Variants in KCTD17 observed in about 807,000 individuals in gnomAD.
KCTD17 encodes the protein potassium channel tetramerization domain containing 17.
A neutral mutation model predicts 41.5 loss-of-function variants in KCTD17; 20 were observed. The ratio of observed to expected loss-of-function variants is 0.48; its 90% confidence interval spans 0.34 to 0.70. The LOEUF (loss-of-function observed/expected upper bound fraction) is 0.70. Ranked by LOEUF, KCTD17 falls within the 30% of genes least tolerant of loss-of-function variation. KCTD17 has a pLI of 0.01. For synonymous variants in KCTD17, 156 were observed against 173.8 expected (o/e 0.90, Z 0.80); for missense variants, 317 against 427.2 (o/e 0.74, Z 2.27).
chr22:37,061,989 G>C lies in KCTD17; in HGVS notation c.875+360G>C. On this transcript the variant is annotated intron_variant, in intron 8 of 8. Coordinates refer to ENST00000403888, the MANE Select transcript of KCTD17 (RefSeq NM_001282684.2). The surrounding 1 kb of genome is among the most constrained non-coding windows in gnomAD (Gnocchi z 6.6). ...GATACCCTTGGCCCATGAAGTGTCA[G>C]CCAGAGTGGCTTAAGGATTGCAGAG... The C allele has an allele frequency of 1.0e-6, 1 of 985,428 alleles. No individual in the cohort carries two copies. The highest frequency in any genetic ancestry group is 1.2e-6 in the Non-Finnish European group (1 of 829,912). 61.0% of individuals were successfully genotyped at this position (985,428 alleles called of 1,614,324 possible).
intron 3 of KCTD17, 113 bp downstream of exon 3, chr22:37,056,524 A>G: frequency 1.2e-6 from 1 of 855,004 alleles, no homozygotes; most frequent in Non-Finnish European, 1.8e-6. Context: ...AGTGTTTGTC[A>G]TGGGGAGGCC....
chr22:37,054,532 C>T (rs1000360347), intron 2 of KCTD17, among the ~76,000 whole-genome samples: 3 of 151,800 alleles, frequency 2.0e-5, no homozygotes, highest in African/African-American at 2.4e-5. Flanking sequence ...CTAGGGGATA[C>T]ACAGGGCTAG....
chr22:37,056,837 G>A (rs1049711514), intron 3 of KCTD17, among the ~76,000 whole-genome samples: 7 of 152,170 alleles, frequency 4.6e-5, no homozygotes, highest in African/African-American at 1.7e-4. Flanking sequence ...GGTGGGCTCG[G>A]CACAGGCTGT....
chr22:37,052,199 G>T, intron 1 of KCTD17: 1 of 478,502 alleles, frequency 2.1e-6, no homozygotes, highest in Non-Finnish European at 3.7e-6. Flanking sequence ...CCCCGGATCG[G>T]GGCCTCTCCT....
rs543100263 is a variant in KCTD17 at position 37,059,071 on chromosome 22, C to T, written c.487-242C>T. ...AATGCTGCCACCCTCCACCAGGGAT[C>T]GGGCCAGCCAAGCCAGGCGGAGGGG... On this transcript the variant is annotated intron_variant, in intron 4 of 8. Coordinates refer to ENST00000403888, the MANE Select transcript of KCTD17 (RefSeq NM_001282684.2). Among the ~76,000 whole-genome samples, 5 of 152,274 alleles carry T rather than the reference C, an allele frequency of 3.3e-5. No homozygotes were observed. In the East Asian group the frequency reaches 5.8e-4, roughly 18 times the overall value.
rs1271111686 is a variant in KCTD17, at chr22:37,062,938, A to G, written c.*344A>G. On this transcript the variant is annotated 3_prime_UTR_variant, in exon 9 of 9. Coordinates refer to ENST00000403888, the MANE Select transcript of KCTD17 (RefSeq NM_001282684.2). ...GGGGGTCACTCCTCCCACCCCACCTACCTCACAGGGTTGTTGTGAGGGTGC... is the reference window on the plus strand; with the variant it reads ...GGGGGTCACTCCTCCCACCCCACCTGCCTCACAGGGTTGTTGTGAGGGTGC... The G allele has an allele frequency of 1.5e-5, 5 of 328,954 alleles. No individual in the cohort carries two copies. The East Asian group carries it at 3.2e-4, about 21-fold the overall frequency. The allele number at this position is 328,954 out of a possible 1,614,324, so 20.4% of individuals were successfully genotyped here. A position where few individuals can be genotyped will look rare whatever the true frequency, so the allele number is the denominator to read the frequency against.
At chr22:37,059,783 C>T (rs1438368989) in intron 5 of KCTD17, among the ~76,000 whole-genome samples, 3 of 152,202 alleles carry the variant, frequency 2.0e-5, no homozygotes, top group Non-Finnish European at 4.4e-5. Flanking sequence ...TTGTCCTCTC[C>T]CAGCACCTTT....
intron 1 of KCTD17, chr22:37,052,319 A>G: frequency 2.8e-6 from 1 of 356,010 alleles, no homozygotes; most frequent in African/African-American, 2.1e-5. Flanking sequence ...GCTCTTTGGG[A>G]TGTGGGTGGC....
At chr22:37,057,240 T>G in intron 3 of KCTD17, 158 bp from the exon 4 acceptor site, 2 of 691,400 alleles carry the variant, frequency 2.9e-6, no homozygotes, top group Non-Finnish European at 5.3e-6. Context: ...GAGGAGCAGG[T>G]GCTCAGAGCA....
chr22:37,060,220 C>G (rs750258810), intron 5 of KCTD17, among the ~76,000 whole-genome samples: 58 of 152,212 alleles, frequency 3.8e-4, no homozygotes, highest in Non-Finnish European at 1.2e-4. Context: ...GGGCCCAACC[C>G]CACACAGTGG....
intron 3 of KCTD17, among the ~76,000 whole-genome samples, chr22:37,056,928 C>T (rs1439697938): frequency 3.3e-5 from 5 of 151,954 alleles, no homozygotes; most frequent in African/African-American, 1.2e-4. Flanking sequence ...TCCGCCTACT[C>T]TGGGGGATGT....
In KCTD17 at chr22:37,060,915, G is replaced by A; in HGVS notation, c.705G>A (p.Gln235=). 1.3e-6 allele frequency: 2 copies of A among 1,541,514 alleles called. No homozygotes were observed. Among genetic ancestry groups the A allele is most frequent in the South Asian group, 1.2e-5 (1 of 82,020 alleles). ...VEQVQVEADA[Q]EKAQSSQDPA... ...AGGTGCAGGTGGAGGCAGATGCACA[G>A]GAGAAAGGTGCAGCCAACCCCCAGG... Residue 235 remains glutamine (Q), a synonymous_variant, in exon 6 of 9, where the codon CAG becomes CAA. Transcript: ENST00000403888.
rs1250680602 is a variant in KCTD17, at chr22:37,051,915, G to T, written c.155G>T (p.Arg52Leu). The stretch of plus-strand genomic sequence containing the variant: ...CGCGAGCAGAAGTCCTTCCTCAGCC[G>T]CCTGTGCCAGGGGGAAGAGCTGCAG... ...LCREQKSFLS[R>L]LCQGEELQSD... The change falls in exon 1 of 9, where the codon CGC becomes CTC. Residue 52 changes from arginine (R) to leucine (L), a missense_variant. By Grantham distance (102) the Arg-to-Leu change is moderately radical. Coordinates refer to ENST00000403888, the MANE Select transcript of KCTD17 (RefSeq NM_001282684.2). 1 of 1,501,638 alleles carries T rather than the reference G, an allele frequency of 6.7e-7. No individual in the cohort carries two copies. The highest frequency in any genetic ancestry group is 8.9e-7 in the Non-Finnish European group (1 of 1,125,500). The allele number at this position is 1,501,638 out of a possible 1,614,324, so 93.0% of individuals were successfully genotyped here. A position where few individuals can be genotyped will look rare whatever the true frequency, so the allele number is the denominator to read the frequency against.
chr22:37,058,197 G>C (rs566023962), intron 4 of KCTD17, among the ~76,000 whole-genome samples: 1 of 152,178 alleles, frequency 6.6e-6, no homozygotes, highest in Non-Finnish European at 1.5e-5. Flanking sequence ...CTTTCTCCAC[G>C]CCCACCCACA....
rs191905701 is a variant in KCTD17, at chr22:37,058,466, C to T, written c.487-847C>T. Among the ~76,000 whole-genome samples, 30 of 152,074 alleles carry T rather than the reference C, an allele frequency of 2.0e-4. No homozygotes were observed. In the East Asian group the frequency reaches 4.3e-3, roughly 22 times the overall value. ...GCCATCAGTAAAGCTTACAGCCCTC[C>T]GTAGGACTCCCTATGTTGGCATTAG... is the stretch of plus-strand genomic sequence containing the variant. On this transcript the variant is annotated intron_variant, in intron 4 of 8. Transcript: ENST00000403888.
chr22:37,057,868 C>G (rs1925329769), intron 4 of KCTD17, among the ~76,000 whole-genome samples: 1 of 152,196 alleles, frequency 6.6e-6, no homozygotes, highest in South Asian at 2.1e-4. Context: ...GTCAGTACCT[C>G]TTAGAACTCA....
At chr22:37,059,226 T>C in intron 4 of KCTD17, 87 bp from the exon 5 acceptor site, 1 of 1,576,932 alleles carries the variant, frequency 6.3e-7, no homozygotes, top group Non-Finnish European at 8.6e-7. Context: ...AGCTGGTATC[T>C]TGATTTGAGT....
In KCTD17 at chr22:37,062,539, A is replaced by G. The variant is rs765502882; in HGVS notation, c.890A>G (p.Glu297Gly). The G allele has an allele frequency of 6.8e-6, 11 of 1,612,556 alleles. No individual in the cohort carries two copies. The highest frequency in any genetic ancestry group is 9.3e-6 in the Non-Finnish European group (11 of 1,179,608). ...TTTTTTTCTAGCTGTTACAAGCCAG[A>G]GGCACCCGGATGTGAGGCCCCAGAT... ...QSCHPCCYKPEAPGCEAPDHL... is the reference protein window; with the variant it reads ...QSCHPCCYKPGAPGCEAPDHL... Residue 297 changes from glutamate (E) to glycine (G), a missense_variant, in exon 9 of 9, where the codon GAG (glutamate) becomes GGG (glycine). Glu to Gly is a moderately conservative substitution (Grantham distance 98). This residue lies in a region of KCTD17 where 177 missense variants were observed against 194.4 expected (regional missense o/e 0.91). Transcript: ENST00000403888.
chr22:37,060,944 A>G lies in KCTD17; in HGVS notation c.712+22A>G, dbSNP rs746150184. 1.3e-5 allele frequency: 20 copies of G among 1,536,784 alleles called. No homozygotes were observed. In the South Asian group the frequency reaches 2.3e-4, roughly 18 times the overall value. ...AAAGGTGCAGCCAACCCCCAGGAGG[A>G]TGATTGCTAAGCAAAGCCGGAGCCT... On this transcript the variant is annotated intron_variant, in intron 6 of 8. Coordinates refer to ENST00000403888, the MANE Select transcript of KCTD17 (RefSeq NM_001282684.2).
Sources: allele counts gnomAD v4.1 joint callset (sites outside exome capture counted in the v4.1 genomes callset), GRCh38; gene constraint gnomAD v4.1.1; regional missense constraint gnomAD v4.1.1; non-coding constraint Gnocchi (gnomAD v3.1); transcripts MANE v1.5; gene names NCBI Gene and HGNC (gene_info 2026-07-23, HGNC 2026-07-21).